Variants in MSI2 observed in about 807,000 individuals in gnomAD.
MSI2 encodes the protein RNA-binding protein Musashi homolog 2.
Under a neutral mutation model 45.6 loss-of-function variants are expected in MSI2, and 17 were observed. The observed-to-expected ratio is 0.37, with a 90% CI of 0.26 to 0.56. The LOEUF (loss-of-function observed/expected upper bound fraction) is 0.56, where lower values mean the gene tolerates loss of function less well. Ranked by LOEUF, MSI2 falls within the 20% of genes least tolerant of loss-of-function variation. The probability of loss-of-function intolerance (pLI) is 0.77; values close to 1 mark genes in which losing one functional copy is unlikely to be tolerated. For missense variants in MSI2, 293 were observed against 444.2 expected, an observed-to-expected ratio of 0.66 and a Z score of 3.06; for synonymous variants, 156 against 158.2, an observed-to-expected ratio of 0.99 and a Z score of 0.11.
intron 8 of MSI2, among the ~76,000 whole-genome samples, chr17:57,607,986 C>T (rs1382264161): frequency 1.3e-5 from 2 of 152,208 alleles, no homozygotes; most frequent in Non-Finnish European, 2.9e-5. Context: ...CAGGCCCCAC[C>T]TCCAACACTG....
chr17:57,374,124 C>T (rs2143978903), intron 5 of MSI2, among the ~76,000 whole-genome samples: 1 of 152,284 alleles, frequency 6.6e-6, no homozygotes, highest in African/African-American at 2.4e-5. Context: ...AGCCAGACAA[C>T]TAGAGAATTG....
At chr17:57,287,201 A>G (rs1358239173) in intron 5 of MSI2, among the ~76,000 whole-genome samples, 1 of 151,730 alleles carries the variant, frequency 6.6e-6, no homozygotes, top group Non-Finnish European at 1.5e-5. Context: ...GAGCCCAAGA[A>G]TGCCTCCTTG....
chr17:57,328,009 G>A (rs887016123), intron 5 of MSI2, among the ~76,000 whole-genome samples: 1 of 152,112 alleles, frequency 6.6e-6, no homozygotes, highest in African/African-American at 2.4e-5. Flanking sequence ...GTATGCAAAG[G>A]CACTACTGTT....
intron 6 of MSI2, among the ~76,000 whole-genome samples, chr17:57,516,884 C>T (rs1228990142): frequency 6.6e-6 from 1 of 152,122 alleles, no homozygotes; most frequent in East Asian, 1.9e-4. Flanking sequence ...TTCAACTGTA[C>T]CCGCTGAATT....
At chr17:57,601,233 T>C (rs1905835009) in intron 8 of MSI2, 1 of 152,250 alleles carries the variant, frequency 6.6e-6, no homozygotes, top group South Asian at 2.1e-4. Context: ...CAGATCTCCA[T>C]GCCTCTTCCT....
intron 6 of MSI2, among the ~76,000 whole-genome samples, chr17:57,454,802 A>G (rs996117966): frequency 4.6e-5 from 7 of 152,124 alleles, no homozygotes; most frequent in Non-Finnish European, 1.0e-4. Flanking sequence ...CTTCATAGGC[A>G]AGTAGTCCAT....
intron 6 of MSI2, among the ~76,000 whole-genome samples, chr17:57,525,709 G>A (rs1224885535): frequency 6.6e-6 from 1 of 152,230 alleles, no homozygotes; most frequent in Non-Finnish European, 1.5e-5. Context: ...TCCCAAAACA[G>A]ACCAGGGTTC....
chr17:57,361,364 G>T lies in MSI2; in HGVS notation c.313-40015G>T, dbSNP rs116066573. 7.1e-3 allele frequency among the ~76,000 whole-genome samples: 1,078 copies of T among 152,126 alleles called. 14 individuals are homozygous for T. Among genetic ancestry groups the T allele is most frequent in the African/African-American group, 0.025 (1,030 of 41,462 alleles). On this transcript the variant is annotated intron_variant, in intron 5 of 13. Transcript: ENST00000284073. ...GCTTGTAAACCCAGTACTTTGGAAG[G>T]CCAAGGCGGGCAGATGGACTGAGCT...
intron 11 of MSI2, among the ~76,000 whole-genome samples, chr17:57,666,114 A>G (rs1281893057): frequency 6.6e-6 from 1 of 152,226 alleles, no homozygotes; most frequent in Non-Finnish European, 1.5e-5. Flanking sequence ...TGTGTCCTTG[A>G]ATTTGCAGTT....
intron 5 of MSI2, among the ~76,000 whole-genome samples, chr17:57,353,516 T>C (rs1191645217): frequency 6.6e-6 from 1 of 152,226 alleles, no homozygotes; most frequent in African/African-American, 2.4e-5. Context: ...TTACCTAAGA[T>C]ATTCTAAGGG....
Position 57,419,465 on chromosome 17 carries a change from C to T in MSI2, c.405+17994C>T, listed in dbSNP as rs536075957. Among the ~76,000 whole-genome samples the T allele has an allele frequency of 2.3e-3, 345 of 151,786 alleles. 1 individual carries two copies. Among genetic ancestry groups the T allele is most frequent in the African/African-American group, 8.0e-3 (331 of 41,356 alleles). ...GCAACCTCCGCCTCCCAGGTTCAAG[C>T]GATTCTCCTGCCTCAGCCTCCCGAG... On this transcript the variant is annotated intron_variant, in intron 6 of 13. Coordinates refer to ENST00000284073, the MANE Select transcript of MSI2 (RefSeq NM_138962.4).
chr17:57,295,024 G>A (rs1161554694), intron 5 of MSI2, among the ~76,000 whole-genome samples: 1 of 152,140 alleles, frequency 6.6e-6, no homozygotes, highest in African/African-American at 2.4e-5. Flanking sequence ...TCGTTTCTGG[G>A]GAGAGCCAGG....
intron 6 of MSI2, among the ~76,000 whole-genome samples, chr17:57,443,085 T>A (rs2143480660): frequency 6.6e-6 from 1 of 152,244 alleles, no homozygotes; most frequent in East Asian, 1.9e-4. Context: ...GCCTGGCTGA[T>A]GTCTGTGCCT....
chr17:57,415,863 A>G (rs1178311307), intron 6 of MSI2, among the ~76,000 whole-genome samples: 1 of 152,080 alleles, frequency 6.6e-6, no homozygotes, highest in Non-Finnish European at 1.5e-5. Flanking sequence ...GGAAGTCCTC[A>G]TTCTGAGATC....
At chr17:57,543,739 A>G (rs561394271) in intron 7 of MSI2, among the ~76,000 whole-genome samples, 5 of 152,006 alleles carry the variant, frequency 3.3e-5, no homozygotes, top group Non-Finnish European at 7.4e-5. Context: ...TCCCTCCCCC[A>G]TGCTGTCTTA....
intron 6 of MSI2, among the ~76,000 whole-genome samples, chr17:57,498,051 C>A (rs1295971835): frequency 6.6e-6 from 1 of 152,192 alleles, no homozygotes; most frequent in Non-Finnish European, 1.5e-5. Flanking sequence ...ACTGATCCTG[C>A]AAGTAAGAGA....
chr17:57,549,877 G>T (rs2087262835), intron 7 of MSI2, among the ~76,000 whole-genome samples: 1 of 152,196 alleles, frequency 6.6e-6, no homozygotes. Context: ...AGTAGAGAAG[G>T]GAGTTCAAGA....
At chr17:57,311,567 T>A (rs1912403465) in intron 5 of MSI2, among the ~76,000 whole-genome samples, 1 of 152,100 alleles carries the variant, frequency 6.6e-6, no homozygotes. Flanking sequence ...ATATATATAT[T>A]TTTAAACAGG....
intron 7 of MSI2, among the ~76,000 whole-genome samples, chr17:57,539,761 C>T (rs934006842): frequency 1.3e-5 from 2 of 152,058 alleles, no homozygotes; most frequent in Middle Eastern, 3.2e-3. Context: ...GCCTGGTTTG[C>T]GCCAGTTCAT....
Sources: allele counts gnomAD v4.1 joint callset (sites outside exome capture counted in the v4.1 genomes callset), GRCh38; gene constraint gnomAD v4.1.1; transcripts MANE v1.5; gene names NCBI Gene and HGNC (gene_info 2026-07-23, HGNC 2026-07-21).